Variants in ARHGAP15 observed in about 807,000 individuals in gnomAD.
The protein encoded by ARHGAP15 is Rho GTPase activating protein 15.
In ARHGAP15, 51 loss-of-function variants were observed where a neutral mutation model predicts 63.7. That is an observed-to-expected ratio of 0.80 (90% CI 0.64 to 1.01). ARHGAP15 has a LOEUF of 1.01. Ranked by LOEUF, ARHGAP15 falls within the 50% of genes least tolerant of loss-of-function variation. The pLI is 0.00. For synonymous variants in ARHGAP15, 191 were observed against 193.8 expected (o/e 0.99, Z 0.12); for missense variants, 560 against 564.6 (o/e 0.99, Z 0.08).
intron 10 of ARHGAP15, among the ~76,000 whole-genome samples, chr2:143,534,075 A>G (rs1694638303): frequency 1.3e-5 from 2 of 152,106 alleles, no homozygotes; most frequent in Admixed American, 1.3e-4. Context: ...TTGAATTGTA[A>G]TCTCCATAAT....
chr2:143,734,989 T>G (rs1229883224), intron 13 of ARHGAP15, among the ~76,000 whole-genome samples: 1 of 152,220 alleles, frequency 6.6e-6, no homozygotes, highest in Non-Finnish European at 1.5e-5. Context: ...GACCTTTTAT[T>G]TAGCAGATTA....
At chr2:143,149,569 GA>G (rs1689731317) in intron 1 of ARHGAP15, among the ~76,000 whole-genome samples, 1 of 151,720 alleles carries the variant, frequency 6.6e-6, no homozygotes, top group Non-Finnish European at 1.5e-5. Flanking sequence ...GGGCTTTTGG[GA>G]AATAGAAATA....
chr2:143,200,478 A>G (rs1015920692), intron 2 of ARHGAP15, among the ~76,000 whole-genome samples: 11 of 152,108 alleles, frequency 7.2e-5, no homozygotes, highest in East Asian at 3.9e-4. Flanking sequence ...CAAAAACAAT[A>G]AAGTCCTTTC....
chr2:143,475,759 C>T (rs926845478), intron 8 of ARHGAP15, among the ~76,000 whole-genome samples: 1 of 152,230 alleles, frequency 6.6e-6, no homozygotes, highest in Non-Finnish European at 1.5e-5. Context: ...CAGCCAGAGA[C>T]AAGACCCAAA....
intron 1 of ARHGAP15, among the ~76,000 whole-genome samples, chr2:143,153,840 T>TTCC (rs1186617012): frequency 0.011 from 861 of 78,344 alleles, 44 homozygotes; most frequent in South Asian, 0.043. Flanking sequence ...CTTCTTCTTC[T>TTCC]TCTTCCTCCT....
intron 12 of ARHGAP15, among the ~76,000 whole-genome samples, chr2:143,663,942 G>C (rs1681992723): frequency 6.6e-6 from 1 of 152,034 alleles, no homozygotes; most frequent in Non-Finnish European, 1.5e-5. Flanking sequence ...AAGAGATTTA[G>C]ACTCCCACAC....
At chr2:143,683,630 A>G (rs1412742103) in intron 12 of ARHGAP15, among the ~76,000 whole-genome samples, 1 of 152,344 alleles carries the variant, frequency 6.6e-6, no homozygotes, top group South Asian at 2.1e-4. Flanking sequence ...TCTCTTATCT[A>G]CATGCCACAT....
rs117030361 is a variant in ARHGAP15, at chr2:143,553,132, G to A, written c.926-3276G>A. Among the ~76,000 whole-genome samples the A allele has an allele frequency of 3.2e-4, 49 of 152,258 alleles. No homozygotes were observed. In the East Asian group the frequency reaches 8.7e-3, roughly 27 times the overall value. On this transcript the variant is annotated intron_variant, in intron 10 of 13. Coordinates refer to ENST00000295095, the MANE Select transcript of ARHGAP15 (RefSeq NM_018460.4). ...ATAGTCCTAGAACTTTGGGTTTGCT[G>A]TTCTGTGAGCCATTCAGGGGAAAGC...
chr2:143,581,559 A>G (rs1416143389), intron 11 of ARHGAP15, among the ~76,000 whole-genome samples: 1 of 152,132 alleles, frequency 6.6e-6, no homozygotes, highest in African/African-American at 2.4e-5. Context: ...AGCATTTAGT[A>G]CTGTATAATC....
At chr2:143,304,952 T>C (rs1208109813) in intron 6 of ARHGAP15, among the ~76,000 whole-genome samples, 5 of 152,030 alleles carry the variant, frequency 3.3e-5, no homozygotes, top group Non-Finnish European at 7.4e-5. Context: ...GAAATACCAT[T>C]GGACCTAGCA....
intron 9 of ARHGAP15, among the ~76,000 whole-genome samples, chr2:143,509,997 C>T (rs941715255): frequency 5.4e-5 from 6 of 110,206 alleles, no homozygotes; most frequent in Non-Finnish European, 1.0e-4. Flanking sequence ...TCCAGCCTGG[C>T]GACAGAGTAA....
At chr2:143,640,814 T>A (rs1389170796) in intron 12 of ARHGAP15, 1 of 152,180 alleles carries the variant, frequency 6.6e-6, no homozygotes, top group Non-Finnish European at 1.5e-5. Context: ...ACACTAAGTG[T>A]TTATTCTAGT....
chr2:143,166,001 A>AGAAAAAAGGAAG (rs70982847), intron 2 of ARHGAP15, among the ~76,000 whole-genome samples: 32 of 101,152 alleles, frequency 3.2e-4, no homozygotes, highest in Non-Finnish European at 5.2e-4. Flanking sequence ...AAAGAAAGAA[A>AGAAAAAAGGAAG]GAAGGAAGGA....
intron 5 of ARHGAP15, among the ~76,000 whole-genome samples, chr2:143,242,207 A>G (rs1002979380): frequency 6.6e-6 from 1 of 152,162 alleles, no homozygotes; most frequent in African/African-American, 2.4e-5. Context: ...AGGCCCTTCT[A>G]TAGTCTGGCA....
intron 5 of ARHGAP15, among the ~76,000 whole-genome samples, chr2:143,241,908 G>A (rs548063188): frequency 1.3e-4 from 20 of 152,320 alleles, no homozygotes; most frequent in African/African-American, 4.3e-4. Context: ...ACTACAATGA[G>A]CTTCAAAGAG....
chr2:143,309,639 T>C (rs960804867), intron 6 of ARHGAP15, among the ~76,000 whole-genome samples: 1 of 151,694 alleles, frequency 6.6e-6, no homozygotes, highest in South Asian at 2.1e-4. Context: ...AAAGGGGAGG[T>C]GGTAACAATA....
At chr2:143,283,771 T>G (rs900523956) in intron 6 of ARHGAP15, among the ~76,000 whole-genome samples, 9 of 152,190 alleles carry the variant, frequency 5.9e-5, no homozygotes, top group African/African-American at 2.4e-5. Context: ...TCTTCAAACT[T>G]TGTCTTTCTA....
At chr2:143,729,157 ATT>A (rs1685421278) in intron 13 of ARHGAP15, among the ~76,000 whole-genome samples, 1 of 152,242 alleles carries the variant, frequency 6.6e-6, no homozygotes, top group African/African-American at 2.4e-5. Flanking sequence ...ATTTGTTAGT[ATT>A]GTTCTGATAA....
intron 12 of ARHGAP15, among the ~76,000 whole-genome samples, chr2:143,686,570 TC>T (rs1219301900): frequency 1.3e-5 from 2 of 152,124 alleles, no homozygotes; most frequent in Admixed American, 6.6e-5. Context: ...TCTTTTTATA[TC>T]CCTTAAAAGT....
Sources: gnomAD v4.1 joint callset for allele counts (sites outside exome capture counted in the v4.1 genomes callset) on GRCh38, gnomAD v4.1.1 for gene constraint, MANE v1.5 for transcripts, NCBI Gene and HGNC (gene_info 2026-07-23, HGNC 2026-07-21) for gene names.